Variants in PTPRD observed in about 807,000 individuals in gnomAD.
PTPRD encodes the protein receptor-type tyrosine-protein phosphatase delta.
A neutral mutation model predicts 214.5 loss-of-function variants in PTPRD; 34 were observed. That is an observed-to-expected ratio of 0.16 (90% CI 0.12 to 0.21). The LOEUF (loss-of-function observed/expected upper bound fraction) is 0.21, where lower values mean the gene tolerates loss of function less well. PTPRD is among the 10% of genes least tolerant of loss of function. The pLI is 1.00. For missense variants in PTPRD, 2,545 were observed against 2,398.7 expected (o/e 1.06, Z -1.27); for synonymous variants, 1,128 against 845.7 (o/e 1.33, Z -5.79).
At chr9:10,373,759 T>C (rs1382183883) in intron 2 of PTPRD, among the ~76,000 whole-genome samples, 1 of 152,130 alleles carries the variant, frequency 6.6e-6, no homozygotes, top group South Asian at 2.1e-4. Flanking sequence ...TATTTCTCAG[T>C]TTGTGTAAAA....
intron 5 of PTPRD, among the ~76,000 whole-genome samples, chr9:9,912,521 T>A (rs1216186666): frequency 6.6e-6 from 1 of 152,166 alleles, no homozygotes; most frequent in Non-Finnish European, 1.5e-5. Context: ...ATAGCACATG[T>A]TTTGCCTCAT....
At chr9:9,741,126 T>C (rs1411007192) in intron 6 of PTPRD, among the ~76,000 whole-genome samples, 2 of 152,184 alleles carry the variant, frequency 1.3e-5, no homozygotes. Context: ...AGTAGAGGAA[T>C]ATAAAGTAAA....
At chr9:8,770,996 G>A (rs955876074) in intron 11 of PTPRD, among the ~76,000 whole-genome samples, 4 of 151,926 alleles carry the variant, frequency 2.6e-5, no homozygotes, top group East Asian at 1.9e-4. Flanking sequence ...TGGCTAATAC[G>A]GTGAAACCCC....
intron 14 of PTPRD, among the ~76,000 whole-genome samples, chr9:8,569,405 C>G (rs766019985): frequency 6.6e-6 from 1 of 152,120 alleles, no homozygotes; most frequent in Non-Finnish European, 1.5e-5. Context: ...TAGTCCTCTG[C>G]TACAGACAGG....
chr9:8,684,188 G>A (rs1402505010), intron 12 of PTPRD, among the ~76,000 whole-genome samples: 2 of 152,156 alleles, frequency 1.3e-5, no homozygotes, highest in Non-Finnish European at 2.9e-5. Flanking sequence ...TTTGTGTCAT[G>A]TATTATACAC....
chr9:8,693,151 G>A (rs1022261694), intron 12 of PTPRD, among the ~76,000 whole-genome samples: 2 of 152,174 alleles, frequency 1.3e-5, no homozygotes, highest in African/African-American at 2.4e-5. Context: ...GAAGGTTGAA[G>A]GTAAGTTTCA....
chr9:9,488,918 G>A (rs1007842661), intron 8 of PTPRD, among the ~76,000 whole-genome samples: 27 of 151,976 alleles, frequency 1.8e-4, no homozygotes, highest in Admixed American at 5.2e-4. Context: ...CAAATATATG[G>A]GATCTTTGCT....
chr9:9,125,722 G>A (rs915837013), intron 10 of PTPRD, among the ~76,000 whole-genome samples: 1 of 152,072 alleles, frequency 6.6e-6, no homozygotes, highest in Non-Finnish European at 1.5e-5. Context: ...CAAGCACTAG[G>A]TACAATTATG....
At chr9:10,006,992 T>A in intron 4 of PTPRD, among the ~76,000 whole-genome samples, 1 of 152,022 alleles carries the variant, frequency 6.6e-6, no homozygotes, top group East Asian at 1.9e-4. Context: ...ATAATTTTAA[T>A]GTAACAAATC....
chr9:10,334,091 A>G (rs71501063), intron 3 of PTPRD, among the ~76,000 whole-genome samples: 1 of 151,712 alleles, frequency 6.6e-6, no homozygotes, highest in South Asian at 2.1e-4. Flanking sequence ...GATATCAATG[A>G]CCAGGTGCTG....
intron 8 of PTPRD, among the ~76,000 whole-genome samples, chr9:9,458,794 G>A (rs1473355888): frequency 6.6e-6 from 1 of 152,056 alleles, no homozygotes; most frequent in East Asian, 1.9e-4. Context: ...ACAAAAATTA[G>A]CTGAGTGTGG....
At chr9:8,970,254 A>G (rs1280062673) in intron 11 of PTPRD, among the ~76,000 whole-genome samples, 1 of 151,970 alleles carries the variant, frequency 6.6e-6, no homozygotes, top group Non-Finnish European at 1.5e-5. Flanking sequence ...TAAATAAAAG[A>G]GCATAAGCCA....
intron 22 of PTPRD, among the ~76,000 whole-genome samples, 182 bp downstream of exon 22, chr9:8,507,116 CATT>C (rs752347709): frequency 4.0e-5 from 6 of 151,706 alleles, no homozygotes; most frequent in South Asian, 2.1e-4. Flanking sequence ...TGTTTTTTGT[CATT>C]GTTGTTGTTT....
intron 4 of PTPRD, among the ~76,000 whole-genome samples, chr9:9,990,813 G>A (rs2095886916): frequency 6.6e-6 from 1 of 152,110 alleles, no homozygotes; most frequent in Non-Finnish European, 1.5e-5. Context: ...TAGAGAGGAT[G>A]TGCTCACCAC....
intron 6 of PTPRD, among the ~76,000 whole-genome samples, chr9:9,752,842 G>C (rs1329778003): frequency 3.9e-5 from 6 of 151,902 alleles, no homozygotes; most frequent in Non-Finnish European, 7.4e-5. Context: ...AATGGTATTT[G>C]GAAATGCTGC....
chr9:10,166,655 G>C (rs978655963), intron 3 of PTPRD, among the ~76,000 whole-genome samples: 1 of 151,914 alleles, frequency 6.6e-6, no homozygotes, highest in Non-Finnish European at 1.5e-5. Context: ...AATCAAATTT[G>C]AACCACCTGG....
chr9:9,934,692 C>A (rs7041838), intron 5 of PTPRD, among the ~76,000 whole-genome samples: 1 of 149,886 alleles, frequency 6.7e-6, no homozygotes, highest in South Asian at 2.1e-4. Flanking sequence ...TTCCAATCAA[C>A]AGAAAAAGAG....
intron 11 of PTPRD, among the ~76,000 whole-genome samples, chr9:8,840,421 T>C (rs1358368603): frequency 6.6e-6 from 1 of 152,228 alleles, no homozygotes; most frequent in Non-Finnish European, 1.5e-5. Flanking sequence ...CCTTCTGCCA[T>C]GATTGTGAGG....
intron 2 of PTPRD, among the ~76,000 whole-genome samples, chr9:10,407,808 AATTGT>A (rs1271739218): frequency 6.6e-6 from 1 of 151,572 alleles, no homozygotes; most frequent in Non-Finnish European, 1.5e-5. Context: ...GCTAGAAGGA[AATTGT>A]ATTTTGTTCC....
Sources: allele counts gnomAD v4.1 joint callset (sites outside exome capture counted in the v4.1 genomes callset), GRCh38; gene constraint gnomAD v4.1.1; transcripts MANE v1.5; gene names NCBI Gene and HGNC (gene_info 2026-07-23, HGNC 2026-07-21).